SDHAF3: variants seen among roughly 807,000 people sequenced by gnomAD.
SDHAF3 encodes succinate dehydrogenase assembly factor 3, mitochondrial.
Under a neutral mutation model 11.5 loss-of-function variants are expected in SDHAF3, and 18 were observed. That is an observed-to-expected ratio of 1.56 (90% CI 1.08 to 2.32). The LOEUF is 2.32. Ranked by LOEUF, SDHAF3 falls within the 30% of genes most tolerant of loss-of-function variation. The pLI, the probability that SDHAF3 is intolerant of heterozygous loss-of-function variation, is 0.00. For synonymous variants in SDHAF3, 72 were observed against 59.3 expected, an observed-to-expected ratio of 1.21 and a Z score of -0.99; for missense variants, 200 against 154.4, an observed-to-expected ratio of 1.30 and a Z score of -1.57.
At chr7:97,139,245 C>G (rs1268466365) in intron 1 of SDHAF3, among the ~76,000 whole-genome samples, 1 of 152,200 alleles carries the variant, frequency 6.6e-6, no homozygotes, top group African/African-American at 2.4e-5. Context: ...TATTGAACAA[C>G]AGAACAGTTC....
chr7:97,174,197 G>T (rs1789647239), intron 1 of SDHAF3, among the ~76,000 whole-genome samples: 1 of 152,184 alleles, frequency 6.6e-6, no homozygotes, highest in South Asian at 2.1e-4. Context: ...GGGATTACAG[G>T]CATGAGCCAC....
At chr7:97,151,746 G>A (rs1428746896) in intron 1 of SDHAF3, among the ~76,000 whole-genome samples, 5 of 152,052 alleles carry the variant, frequency 3.3e-5, no homozygotes, top group African/African-American at 1.2e-4. Flanking sequence ...TGATCTGCCT[G>A]CCTCGGCCTC....
chr7:97,150,337 G>C (rs932550358), intron 1 of SDHAF3, among the ~76,000 whole-genome samples: 1 of 152,088 alleles, frequency 6.6e-6, no homozygotes, highest in Admixed American at 6.5e-5. Flanking sequence ...ACTTTGTCCA[G>C]ATCCATCAGA....
At chr7:97,135,637 CGTGTGTGTGTGTGTGTGT>C in intron 1 of SDHAF3, 1 of 85,400 alleles carries the variant, frequency 1.2e-5, no homozygotes, top group Non-Finnish European at 2.0e-5. Context: ...TATGTGCGTG[CGTGTGTGTGTGTGTGTGT>C]GTGTGTGTGT....
At chr7:97,173,050 T>C in intron 1 of SDHAF3, among the ~76,000 whole-genome samples, 1 of 152,148 alleles carries the variant, frequency 6.6e-6, no homozygotes, top group South Asian at 2.1e-4. Context: ...CTAGATACTT[T>C]GCATAGGCAG....
chr7:97,180,160 GGTT>G (rs1370792030), intron 1 of SDHAF3, among the ~76,000 whole-genome samples: 1 of 152,116 alleles, frequency 6.6e-6, no homozygotes, highest in Admixed American at 6.5e-5. Flanking sequence ...TGACACAGAT[GGTT>G]GTTAAACATT....
At chr7:97,178,156 T>C (rs921786473) in intron 1 of SDHAF3, among the ~76,000 whole-genome samples, 1 of 152,236 alleles carries the variant, frequency 6.6e-6, no homozygotes, top group African/African-American at 2.4e-5. Context: ...AATCATACAA[T>C]ATGTCTTTTT....
chr7:97,139,511 C>CA (rs1312370035), intron 1 of SDHAF3, among the ~76,000 whole-genome samples: 1 of 152,160 alleles, frequency 6.6e-6, no homozygotes, highest in Non-Finnish European at 1.5e-5. Context: ...GGGTGAGGAT[C>CA]AATCAGAGGA....
chr7:97,129,267 T>C (rs1791629174), intron 1 of SDHAF3, among the ~76,000 whole-genome samples: 1 of 152,232 alleles, frequency 6.6e-6, no homozygotes, highest in Admixed American at 6.5e-5. Context: ...TGCTTCCTGC[T>C]CCTGATTTCC....
intron 1 of SDHAF3, among the ~76,000 whole-genome samples, chr7:97,168,256 A>C (rs1018873332): frequency 6.6e-6 from 1 of 152,186 alleles, no homozygotes; most frequent in African/African-American, 2.4e-5. Context: ...CATCAATCTT[A>C]AGTTTCACAA....
rs1412819361 is a variant in SDHAF3, at chr7:97,135,727, G to A, written c.174+17830G>A. ...TTGGGAGACAGAGTCTCACTCTGTC[G>A]CCCAGGCTGGAGTGCAGTGGCTCAA... is the stretch of plus-strand genomic sequence containing the variant. On this transcript the variant is annotated intron_variant, in intron 1 of 1. Transcript: ENST00000432641. Among the ~76,000 whole-genome samples, 148 of 124,892 alleles carry A rather than the reference G, an allele frequency of 1.2e-3. 1 individual carries two copies. The highest frequency in any genetic ancestry group is 4.3e-3 in the African/African-American group (140 of 32,620). 81.9% of individuals were successfully genotyped at this position (124,892 alleles called of 152,430 possible).
chr7:97,159,517 G>C (rs954799616), intron 1 of SDHAF3, among the ~76,000 whole-genome samples: 2 of 152,112 alleles, frequency 1.3e-5, no homozygotes, highest in Non-Finnish European at 2.9e-5. Flanking sequence ...CTCAGCACAG[G>C]GAGAGTTCTA....
intron 1 of SDHAF3, among the ~76,000 whole-genome samples, chr7:97,150,667 C>G (rs1445571150): frequency 6.6e-6 from 1 of 151,082 alleles, no homozygotes; most frequent in East Asian, 1.9e-4. Context: ...GGGTTCACGC[C>G]ATTCTCCTGC....
intron 1 of SDHAF3, among the ~76,000 whole-genome samples, chr7:97,172,837 T>TC (rs1249250700): frequency 6.6e-6 from 1 of 152,206 alleles, no homozygotes; most frequent in African/African-American, 2.4e-5. Flanking sequence ...ATAAGATGTT[T>TC]AAGAAATATT....
intron 1 of SDHAF3, among the ~76,000 whole-genome samples, chr7:97,176,616 C>CA (rs1478630262): frequency 6.6e-6 from 1 of 152,132 alleles, no homozygotes; most frequent in Admixed American, 6.5e-5. Flanking sequence ...TACATGGAGT[C>CA]AAAGACTAGT....
chr7:97,161,084 TA>T (rs1176837288), intron 1 of SDHAF3, among the ~76,000 whole-genome samples: 3 of 152,162 alleles, frequency 2.0e-5, no homozygotes, highest in Non-Finnish European at 4.4e-5. Context: ...TACAGTGCAA[TA>T]GCCTTTTGTG....
chr7:97,176,858 C>T (rs189242087), intron 1 of SDHAF3, among the ~76,000 whole-genome samples: 69 of 152,110 alleles, frequency 4.5e-4, no homozygotes, highest in Non-Finnish European at 7.5e-4. Flanking sequence ...TATGTATTCA[C>T]CACTCAGATT....
chr7:97,151,544 G>A (rs887751285), intron 1 of SDHAF3, among the ~76,000 whole-genome samples: 3 of 150,992 alleles, frequency 2.0e-5, no homozygotes, highest in Non-Finnish European at 2.9e-5. Context: ...TGTCCCCCAG[G>A]CTGGAGTGCA....
chr7:97,153,765 G>A (rs1408833911), intron 1 of SDHAF3, among the ~76,000 whole-genome samples: 1 of 152,082 alleles, frequency 6.6e-6, no homozygotes, highest in African/African-American at 2.4e-5. Flanking sequence ...GCATATCCTT[G>A]CCAGCGTTTT....
Sources: gnomAD v4.1 joint callset for allele counts (sites outside exome capture counted in the v4.1 genomes callset) on GRCh38, gnomAD v4.1.1 for gene constraint, MANE v1.5 for transcripts, NCBI Gene and HGNC (gene_info 2026-07-23, HGNC 2026-07-21) for gene names.